CEP170: variants seen among roughly 807,000 people sequenced by gnomAD.
CEP170 encodes centrosomal protein 170.
In CEP170, 21 loss-of-function variants were observed where a neutral mutation model predicts 151.9. The observed-to-expected ratio is 0.14, with a 90% CI of 0.10 to 0.20. The LOEUF (loss-of-function observed/expected upper bound fraction) is 0.20, where lower values mean the gene tolerates loss of function less well. Ranked by LOEUF, CEP170 falls within the 10% of genes least tolerant of loss-of-function variation. CEP170 has a pLI of 1.00. For synonymous variants in CEP170, 356 were observed against 648.8 expected (o/e 0.55, Z 6.86); for missense variants, 964 against 1,892.9 (o/e 0.51, Z 9.11).
chr1:243,203,517 C>T (rs1436454382), intron 4 of CEP170, among the ~76,000 whole-genome samples: 1 of 151,992 alleles, frequency 6.6e-6, no homozygotes, highest in Non-Finnish European at 1.5e-5. Flanking sequence ...CTTTAAACAG[C>T]GTTAGTTATT....
At chr1:243,182,666 T>C (rs527316538) in intron 10 of CEP170, among the ~76,000 whole-genome samples, 6 of 152,298 alleles carry the variant, frequency 3.9e-5, no homozygotes, top group Non-Finnish European at 7.4e-5. Context: ...TCTTCAAAAG[T>C]AACTGTGGTC....
intron 1 of CEP170, among the ~76,000 whole-genome samples, chr1:243,227,749 A>G (rs2063417556): frequency 6.6e-6 from 1 of 152,198 alleles, no homozygotes; most frequent in South Asian, 2.1e-4. Context: ...TCAATACAAT[A>G]AAAAAGGCAA....
intron 3 of CEP170, among the ~76,000 whole-genome samples, chr1:243,212,688 T>TC (rs1553383611): frequency 2.7e-5 from 4 of 149,802 alleles, no homozygotes; most frequent in African/African-American, 9.8e-5. Flanking sequence ...ATTTTCTTTC[T>TC]TCTCTCTCTC....
chr1:243,149,001 A>G (rs2056808658), intron 14 of CEP170, among the ~76,000 whole-genome samples: 1 of 152,222 alleles, frequency 6.6e-6, no homozygotes, highest in Non-Finnish European at 1.5e-5. Context: ...AGCAAGAGCA[A>G]TTTAATGAGT....
intron 14 of CEP170, among the ~76,000 whole-genome samples, chr1:243,148,751 CA>C (rs933093402): frequency 1.3e-5 from 2 of 151,554 alleles, no homozygotes. Context: ...AGAAGGTTCA[CA>C]AAAAAAAGTT....
intron 7 of CEP170, among the ~76,000 whole-genome samples, chr1:243,195,064 G>A (rs968248039): frequency 3.3e-5 from 5 of 151,796 alleles, no homozygotes; most frequent in African/African-American, 9.7e-5. Flanking sequence ...TATTTGAGAT[G>A]ACAAGGACTA....
chr1:243,158,823 CT>C (rs1048529017), intron 13 of CEP170, among the ~76,000 whole-genome samples: 1 of 151,996 alleles, frequency 6.6e-6, no homozygotes, highest in Non-Finnish European at 1.5e-5. Flanking sequence ...AATCCCAGCA[CT>C]TTGGGAGGCT....
intron 12 of CEP170, among the ~76,000 whole-genome samples, 156 bp from the exon 13 acceptor site, chr1:243,166,272 T>C (rs1572392455): frequency 6.6e-6 from 1 of 152,214 alleles, no homozygotes; most frequent in Non-Finnish European, 1.5e-5. Context: ...GAGTACCTTA[T>C]ATAAAGTGGT....
chr1:243,254,169 G>A (rs1026888546), intron 1 of CEP170, among the ~76,000 whole-genome samples: 2 of 148,494 alleles, frequency 1.3e-5, no homozygotes, highest in Non-Finnish European at 3.0e-5. Context: ...CATAGTCCCT[G>A]TCTTCCTTAC....
At chr1:243,253,244 A>G (rs538881298) in intron 1 of CEP170, 2 of 152,338 alleles carry the variant, frequency 1.3e-5, no homozygotes, top group South Asian at 4.1e-4. Flanking sequence ...CTACTTTTAC[A>G]TCACAAAGGC....
chr1:243,183,480 G>A lies in CEP170; in HGVS notation c.1566+2299C>T, dbSNP rs375609929. ...TGCTTTTTCTGCCTTCCTTCTGGCT[G>A]TTGTTGGTCTTTGTTTTCTTCATAC... On this transcript the variant is annotated intron_variant, in intron 10 of 19. Coordinates refer to ENST00000366542, the MANE Select transcript of CEP170 (RefSeq NM_014812.3). 6.7e-4 allele frequency among the ~76,000 whole-genome samples: 102 copies of A among 152,214 alleles called. 2 individuals are homozygous for A. In the South Asian group the frequency reaches 0.02, roughly 29 times the overall value.
chr1:243,137,646 G>C (rs1437674545), intron 16 of CEP170, among the ~76,000 whole-genome samples: 1 of 152,002 alleles, frequency 6.6e-6, no homozygotes, highest in Non-Finnish European at 1.5e-5. Flanking sequence ...GTGCTGGTGC[G>C]TGCCTGTAGT....
At chr1:243,159,754 T>C (rs992659948) in intron 13 of CEP170, among the ~76,000 whole-genome samples, 2 of 149,118 alleles carry the variant, frequency 1.3e-5, no homozygotes, top group African/African-American at 5.0e-5. Context: ...TACATTTTTG[T>C]TTCCGGTTTT....
At chr1:243,159,556 TCCC>T (rs1184976033) in intron 13 of CEP170, among the ~76,000 whole-genome samples, 1 of 152,116 alleles carries the variant, frequency 6.6e-6, no homozygotes, top group African/African-American at 2.4e-5. Flanking sequence ...ATTTTAAATT[TCCC>T]CCCATCTACT....
chr1:243,230,518 G>T (rs1268079732), intron 1 of CEP170, among the ~76,000 whole-genome samples: 1 of 152,016 alleles, frequency 6.6e-6, no homozygotes, highest in Non-Finnish European at 1.5e-5. Flanking sequence ...TAGCAAAACA[G>T]TGTATGAAAA....
chr1:243,195,538 T>C (rs1162742397), intron 7 of CEP170, among the ~76,000 whole-genome samples: 1 of 151,882 alleles, frequency 6.6e-6, no homozygotes, highest in Non-Finnish European at 1.5e-5. Context: ...AATTACTAGG[T>C]AGCAAACACT....
chr1:243,172,204 A>C (rs534273331), intron 11 of CEP170, among the ~76,000 whole-genome samples: 1 of 152,180 alleles, frequency 6.6e-6, no homozygotes, highest in Non-Finnish European at 1.5e-5. Flanking sequence ...TATTTCTAAC[A>C]CCTAATAAAA....
In CEP170 at chr1:243,215,792, C is replaced by T. The variant is rs544468438; in HGVS notation, c.196-3828G>A. On this transcript the variant is annotated intron_variant, in intron 3 of 19. Coordinates refer to ENST00000366542, the MANE Select transcript of CEP170 (RefSeq NM_014812.3). Reference sequence around the variant, plus strand: ...GACCCACACCCTATTCATACACTCCCTCCCCTTCTGAAGATCACTAATAAA... The same window carrying T: ...GACCCACACCCTATTCATACACTCCTTCCCCTTCTGAAGATCACTAATAAA... 2.6e-4 allele frequency among the ~76,000 whole-genome samples: 39 copies of T among 152,230 alleles called. No individual in the cohort carries two copies. In the South Asian group the frequency reaches 6.9e-3, roughly 27 times the overall value.
rs1253309636 is a variant in CEP170 at position 243,244,376 on chromosome 1, CA to C, written c.-42+10663del. 3.5e-4 allele frequency among the ~76,000 whole-genome samples: 53 copies of C among 152,186 alleles called. 1 individual carries two copies. Among genetic ancestry groups the C allele is most frequent in the Admixed American group, 5.2e-4 (8 of 15,280 alleles). On this transcript the variant is annotated intron_variant, in intron 1 of 19. Coordinates refer to ENST00000366542, the MANE Select transcript of CEP170 (RefSeq NM_014812.3). ...CTTGTATCACACACACACACACACA[CA>C]CACCCTCAAAAACTTACCTCCCAAT...
Sources: gnomAD v4.1 joint callset for allele counts (sites outside exome capture counted in the v4.1 genomes callset) on GRCh38, gnomAD v4.1.1 for gene constraint, MANE v1.5 for transcripts, NCBI Gene and HGNC (gene_info 2026-07-23, HGNC 2026-07-21) for gene names.